Variants in PTPRD observed in about 807,000 individuals in gnomAD.
PTPRD encodes protein tyrosine phosphatase receptor type D.
In PTPRD, 34 loss-of-function variants were observed where a neutral mutation model predicts 214.5. That is an observed-to-expected ratio of 0.16 (90% CI 0.12 to 0.21). The LOEUF is 0.21. Among genes scored for constraint, PTPRD ranks in the 10% least tolerant of loss-of-function variants. The pLI is 1.00. For synonymous variants in PTPRD, 1,128 were observed against 845.7 expected (o/e 1.33, Z -5.79); for missense variants, 2,545 against 2,398.7 (o/e 1.06, Z -1.27).
intron 2 of PTPRD, among the ~76,000 whole-genome samples, chr9:10,443,530 T>C (rs536488268): frequency 6.6e-6 from 1 of 151,824 alleles, no homozygotes; most frequent in South Asian, 2.1e-4. Flanking sequence ...AATAAAGTAA[T>C]TGAAATTCTC....
chr9:9,948,981 A>T lies in PTPRD; in HGVS notation c.-471-10371T>A, dbSNP rs189744279. ...AATGAGAAACACTATATCTGATGCA[A>T]TGTCAGCATGGGGGGGCCTAAGATT... On this transcript the variant is annotated intron_variant, in intron 4 of 45. Transcript: ENST00000381196. 3.6e-4 allele frequency among the ~76,000 whole-genome samples: 54 copies of T among 150,984 alleles called. No individual in the cohort carries two copies. The East Asian group carries it at 8.5e-3, about 24-fold the overall frequency.
At chr9:10,515,896 C>T (rs1163454807) in intron 2 of PTPRD, among the ~76,000 whole-genome samples, 1 of 151,798 alleles carries the variant, frequency 6.6e-6, no homozygotes, top group East Asian at 1.9e-4. Context: ...TCCATGTTGT[C>T]ACATATGGCA....
In PTPRD at chr9:10,279,415, G is replaced by A. The variant is rs1273214371; in HGVS notation, c.-545+61548C>T. Reference sequence around the variant, plus strand: ...ACCTGCTACTAGCTCATAAGACTTGGTCAACTGTAATAGTCATTCATCCCT... The same window carrying A: ...ACCTGCTACTAGCTCATAAGACTTGATCAACTGTAATAGTCATTCATCCCT... On this transcript the variant is annotated intron_variant, in intron 3 of 45. Transcript: ENST00000381196. Among the ~76,000 whole-genome samples, 6 of 152,124 alleles carry A rather than the reference G, an allele frequency of 3.9e-5. No individual in the cohort carries two copies. In the East Asian group the frequency reaches 9.7e-4, roughly 24 times the overall value.
At chr9:10,063,642 T>C (rs905293439) in intron 3 of PTPRD, among the ~76,000 whole-genome samples, 2 of 152,044 alleles carry the variant, frequency 1.3e-5, no homozygotes, top group African/African-American at 4.8e-5. Context: ...TAGTGTCATA[T>C]GTACTTGATT....
At chr9:9,199,815 TA>T (rs879924382) in intron 9 of PTPRD, among the ~76,000 whole-genome samples, 36 of 152,112 alleles carry the variant, frequency 2.4e-4, no homozygotes, top group Admixed American at 2.2e-3. Context: ...ACATCATATA[TA>T]TATATAGCTG....
intron 8 of PTPRD, among the ~76,000 whole-genome samples, chr9:9,456,576 C>G (rs1309808316): frequency 1.3e-5 from 2 of 151,810 alleles, no homozygotes; most frequent in African/African-American, 4.8e-5. Flanking sequence ...GCCTCAAGGT[C>G]TCTCTCAGGT....
At position 8,412,479 on chromosome 9, in the gene PTPRD, A is replaced by T. The variant is rs551545228; in HGVS notation, c.4087-7819T>A. On this transcript the variant is annotated intron_variant, in intron 35 of 45. Coordinates refer to ENST00000381196, the MANE Select transcript of PTPRD (RefSeq NM_002839.4). ...GGATAACAAGGTCCCAGTTTTTGCC[A>T]CCAAATTAACTAGATGAATGCATTA... is the stretch of plus-strand genomic sequence containing the variant. Among the ~76,000 whole-genome samples the T allele has an allele frequency of 4.6e-5, 7 of 152,302 alleles. No homozygotes were observed. The South Asian group carries it at 1.2e-3, about 27-fold the overall frequency.
At chr9:10,140,111 T>A (rs2098973114) in intron 3 of PTPRD, among the ~76,000 whole-genome samples, 1 of 152,002 alleles carries the variant, frequency 6.6e-6, no homozygotes, top group African/African-American at 2.4e-5. Context: ...TGACAATCTG[T>A]GCTCAGACAA....
intron 5 of PTPRD, among the ~76,000 whole-genome samples, chr9:9,836,078 C>G (rs2056665299): frequency 6.6e-6 from 1 of 151,466 alleles, no homozygotes; most frequent in Non-Finnish European, 1.5e-5. Flanking sequence ...GAGATGATGG[C>G]CTAAAGCAAA....
intron 3 of PTPRD, among the ~76,000 whole-genome samples, chr9:10,234,362 T>C (rs1594942072): frequency 6.6e-6 from 1 of 152,028 alleles, no homozygotes. Flanking sequence ...TGATGGCTTT[T>C]ACTGGCCCTA....
chr9:8,390,597 C>A (rs1500329), intron 36 of PTPRD, among the ~76,000 whole-genome samples: 2 of 151,784 alleles, frequency 1.3e-5, no homozygotes, highest in Non-Finnish European at 2.9e-5. Flanking sequence ...ACCTTTGCTA[C>A]CCTAATGACA....
intron 5 of PTPRD, among the ~76,000 whole-genome samples, chr9:9,856,872 A>C (rs1343888672): frequency 6.6e-6 from 1 of 152,234 alleles, no homozygotes; most frequent in Non-Finnish European, 1.5e-5. Context: ...GGAATGTACA[A>C]GGATAAAATG....
intron 3 of PTPRD, among the ~76,000 whole-genome samples, chr9:10,163,052 AAG>A (rs1311083622): frequency 6.6e-6 from 1 of 150,806 alleles, no homozygotes; most frequent in African/African-American, 2.4e-5. Context: ...AAAACACACA[AAG>A]AGGGGGAAAG....
chr9:10,483,150 C>A (rs2099111345), intron 2 of PTPRD, among the ~76,000 whole-genome samples: 1 of 152,102 alleles, frequency 6.6e-6, no homozygotes, highest in African/African-American at 2.4e-5. Flanking sequence ...ACCAACTGAT[C>A]ATCAACAAAT....
At chr9:10,241,767 G>T (rs2091105469) in intron 3 of PTPRD, among the ~76,000 whole-genome samples, 1 of 151,752 alleles carries the variant, frequency 6.6e-6, no homozygotes, top group Non-Finnish European at 1.5e-5. Flanking sequence ...TTTCATGTGG[G>T]TATAATTTCA....
intron 14 of PTPRD, among the ~76,000 whole-genome samples, chr9:8,588,484 A>G (rs914470607): frequency 6.6e-6 from 1 of 152,190 alleles, no homozygotes; most frequent in Non-Finnish European, 1.5e-5. Flanking sequence ...TTTTTTTTAA[A>G]CCACAATTCT....
At chr9:9,743,771 A>ACACACAC (rs1218520561) in intron 6 of PTPRD, among the ~76,000 whole-genome samples, 10,225 of 118,622 alleles carry the variant, frequency 0.086, 601 homozygotes, top group African/African-American at 0.16. Flanking sequence ...CACACACACA[A>ACACACAC]TTTATACTGA....
At chr9:8,892,533 A>G (rs1329574815) in intron 11 of PTPRD, among the ~76,000 whole-genome samples, 1 of 150,684 alleles carries the variant, frequency 6.6e-6, no homozygotes, top group Non-Finnish European at 1.5e-5. Flanking sequence ...ATGTGTGTGT[A>G]TATATATGTG....
At chr9:9,750,834 T>A (rs2098510511) in intron 6 of PTPRD, among the ~76,000 whole-genome samples, 1 of 152,122 alleles carries the variant, frequency 6.6e-6, no homozygotes, top group African/African-American at 2.4e-5. Flanking sequence ...GAAGTCTATA[T>A]GCTTCCTCCA....
Sources: gnomAD v4.1 joint callset for allele counts (sites outside exome capture counted in the v4.1 genomes callset) on GRCh38, gnomAD v4.1.1 for gene constraint, MANE v1.5 for transcripts, NCBI Gene and HGNC (gene_info 2026-07-23, HGNC 2026-07-21) for gene names.